The following CELF4 variants were observed in gnomAD, a reference collection of about 807,000 sequenced individuals.
CELF4 encodes CUG-BP- and ETR-3-like factor 4.
In CELF4, 18 loss-of-function variants were observed where a neutral mutation model predicts 59.9. The observed-to-expected ratio is 0.30, with a 90% CI of 0.21 to 0.45. CELF4 has a LOEUF of 0.45. Ranked by LOEUF, CELF4 falls within the 20% of genes least tolerant of loss-of-function variation. The pLI is 1.00. For missense variants in CELF4, 456 were observed against 689.0 expected, an observed-to-expected ratio of 0.66 and a Z score of 3.79; for synonymous variants, 261 against 267.1, an observed-to-expected ratio of 0.98 and a Z score of 0.22.
intron 2 of CELF4, among the ~76,000 whole-genome samples, chr18:37,365,374 T>G (rs1025452108): frequency 4.6e-5 from 7 of 151,976 alleles, no homozygotes; most frequent in African/African-American, 1.4e-4. Flanking sequence ...GGGAGAAGCA[T>G]GTCGCCCACC....
At chr18:37,326,838 C>G (rs567122920) in intron 2 of CELF4, among the ~76,000 whole-genome samples, 19 of 152,316 alleles carry the variant, frequency 1.2e-4, no homozygotes, top group African/African-American at 4.6e-4. Context: ...CCCTCCCCAT[C>G]CCTCTGCCAC....
chr18:37,371,823 C>T (rs891366502), intron 2 of CELF4, among the ~76,000 whole-genome samples: 1 of 152,168 alleles, frequency 6.6e-6, no homozygotes, highest in East Asian at 1.9e-4. Flanking sequence ...GAGGCTTATG[C>T]CTGACTCAGG....
At chr18:37,341,574 C>T (rs529650851) in intron 2 of CELF4, among the ~76,000 whole-genome samples, 4 of 152,206 alleles carry the variant, frequency 2.6e-5, no homozygotes, top group East Asian at 1.9e-4. Context: ...AGACAGTTCA[C>T]GCAGGAACTC....
Position 37,310,153 on chromosome 18 carries a change from C to T in CELF4, c.448+11650G>A, listed in dbSNP as rs115303277. On this transcript the variant is annotated intron_variant, in intron 3 of 12. Transcript: ENST00000420428. Reference sequence around the variant, plus strand: ...CCATAGTTCACCAACTATGTTTCTCCCGTGGCAGCTCCGAAGGGGTGTCAC... The same window carrying T: ...CCATAGTTCACCAACTATGTTTCTCTCGTGGCAGCTCCGAAGGGGTGTCAC... 2.8e-3 allele frequency among the ~76,000 whole-genome samples: 425 copies of T among 152,080 alleles called. 3 individuals carry two copies. The highest frequency in any genetic ancestry group is 9.8e-3 in the African/African-American group (408 of 41,462).
At chr18:37,391,887 C>T (rs2099165983) in intron 2 of CELF4, among the ~76,000 whole-genome samples, 4 of 152,330 alleles carry the variant, frequency 2.6e-5, no homozygotes, top group Admixed American at 2.0e-4. Flanking sequence ...AGCAGGCAGT[C>T]GGCACCAGGC....
At chr18:37,344,295 C>T (rs1358313402) in intron 2 of CELF4, among the ~76,000 whole-genome samples, 1 of 152,204 alleles carries the variant, frequency 6.6e-6, no homozygotes, top group Non-Finnish European at 1.5e-5. Context: ...ACGTGGCTTA[C>T]ACATGGCAAG....
intron 3 of CELF4, among the ~76,000 whole-genome samples, chr18:37,296,013 G>T (rs1441082834): frequency 6.6e-6 from 1 of 152,180 alleles, no homozygotes; most frequent in Non-Finnish European, 1.5e-5. Context: ...CATGTGCAGA[G>T]ACCCTCAGCC....
At chr18:37,358,325 T>C (rs1252464589) in intron 2 of CELF4, among the ~76,000 whole-genome samples, 1 of 152,210 alleles carries the variant, frequency 6.6e-6, no homozygotes, top group Non-Finnish European at 1.5e-5. Context: ...GCTCTCTCTT[T>C]GCCTGCTGCC....
rs374839308 is a variant in CELF4 at position 37,456,487 on chromosome 18, A to G, written c.369+29038T>C. Among the ~76,000 whole-genome samples, 28 of 152,232 alleles carry G rather than the reference A, an allele frequency of 1.8e-4. No individual in the cohort carries two copies. In the East Asian group the frequency reaches 4.1e-3, roughly 22 times the overall value. Reference sequence around the variant, plus strand: ...CTCCGTCCAGCCCTGCACGTCTGACAGCGTGTAGTCCCAAAGGGGACTCTG... The same window carrying G: ...CTCCGTCCAGCCCTGCACGTCTGACGGCGTGTAGTCCCAAAGGGGACTCTG... On this transcript the variant is annotated intron_variant, in intron 2 of 12. Coordinates refer to ENST00000420428, the MANE Select transcript of CELF4 (RefSeq NM_020180.4).
chr18:37,467,629 G>A (rs577461820), intron 2 of CELF4, among the ~76,000 whole-genome samples: 1 of 152,264 alleles, frequency 6.6e-6, no homozygotes, highest in East Asian at 1.9e-4. Context: ...AGTCAAAGAG[G>A]AGTCCCAGCC....
At chr18:37,547,288 G>A (rs917869388) in intron 1 of CELF4, among the ~76,000 whole-genome samples, 1 of 151,966 alleles carries the variant, frequency 6.6e-6, no homozygotes, top group South Asian at 2.1e-4. Flanking sequence ...TTGGGTGGAC[G>A]GCTGAGGGCT....
At chr18:37,332,160 T>C (rs990762864) in intron 2 of CELF4, among the ~76,000 whole-genome samples, 2 of 152,144 alleles carry the variant, frequency 1.3e-5, no homozygotes, top group African/African-American at 4.8e-5. Context: ...CTAAAGCTTG[T>C]ACATAGGAGG....
intron 2 of CELF4, among the ~76,000 whole-genome samples, chr18:37,378,717 A>G (rs551641475): frequency 6.6e-6 from 1 of 152,338 alleles, no homozygotes; most frequent in Non-Finnish European, 1.5e-5. Flanking sequence ...AATGCTGGGA[A>G]AGCCGGTCTG....
chr18:37,528,685 C>A (rs1205605496), intron 1 of CELF4, among the ~76,000 whole-genome samples: 3 of 152,064 alleles, frequency 2.0e-5, no homozygotes, highest in Non-Finnish European at 2.9e-5. Flanking sequence ...GGAAACTGCA[C>A]CTTCTGGAGA....
chr18:37,465,624 C>T (rs980315592), intron 2 of CELF4, among the ~76,000 whole-genome samples: 1 of 152,074 alleles, frequency 6.6e-6, no homozygotes, highest in African/African-American at 2.4e-5. Context: ...GCTGGGATGG[C>T]TCTGTGGGTA....
chr18:37,431,400 T>C (rs2099661539), intron 2 of CELF4, among the ~76,000 whole-genome samples: 1 of 147,482 alleles, frequency 6.8e-6, no homozygotes, highest in Non-Finnish European at 1.5e-5. Context: ...TGGAGTCTTG[T>C]TCTGTCGCCC....
intron 3 of CELF4, among the ~76,000 whole-genome samples, chr18:37,295,390 T>C (rs1287257245): frequency 1.3e-5 from 2 of 152,112 alleles, no homozygotes; most frequent in African/African-American, 4.8e-5. Context: ...GGGTGGCAGG[T>C]AGATAAGGGG....
chr18:37,335,489 G>A (rs2097736049), intron 2 of CELF4, among the ~76,000 whole-genome samples: 1 of 151,546 alleles, frequency 6.6e-6, no homozygotes, highest in Non-Finnish European at 1.5e-5. Context: ...TGCAGTGTGT[G>A]TGTGTGTGTG....
At chr18:37,477,921 C>T (rs1460864187) in intron 2 of CELF4, among the ~76,000 whole-genome samples, 2 of 152,158 alleles carry the variant, frequency 1.3e-5, no homozygotes, top group Non-Finnish European at 2.9e-5. Flanking sequence ...TGTCTGGTGT[C>T]CTTAGAATGA....
Sources: gnomAD v4.1 joint callset for allele counts (sites outside exome capture counted in the v4.1 genomes callset) on GRCh38, gnomAD v4.1.1 for gene constraint, MANE v1.5 for transcripts, NCBI Gene and HGNC (gene_info 2026-07-23, HGNC 2026-07-21) for gene names.